Variants in CAB39 observed in about 807,000 individuals in gnomAD.
The protein encoded by CAB39 is calcium-binding protein 39.
Under a neutral mutation model 40.0 loss-of-function variants are expected in CAB39, and 8 were observed. The observed-to-expected ratio is 0.20, with a 90% CI of 0.12 to 0.36. CAB39 has a LOEUF of 0.36. CAB39 is among the 10% of genes least tolerant of loss of function. The probability of loss-of-function intolerance (pLI) is 1.00; values close to 1 mark genes in which losing one functional copy is unlikely to be tolerated. For synonymous variants in CAB39, 156 were observed against 141.6 expected, an observed-to-expected ratio of 1.10 and a Z score of -0.72; for missense variants, 270 against 401.1, an observed-to-expected ratio of 0.67 and a Z score of 2.79.
chr2:230,758,938 C>T (rs529872980), intron 1 of CAB39, among the ~76,000 whole-genome samples: 22 of 152,086 alleles, frequency 1.4e-4, no homozygotes, highest in Non-Finnish European at 2.5e-4. Context: ...AAGTCACTTC[C>T]ATTGTTTGTC....
rs1019917840 is a variant in CAB39 at position 230,805,264 on chromosome 2, G to C, written c.568-4999G>C. 2.6e-5 allele frequency among the ~76,000 whole-genome samples: 4 copies of C among 152,002 alleles called. No homozygotes were observed. The East Asian group carries it at 7.7e-4, about 29-fold the overall frequency. On this transcript the variant is annotated intron_variant, in intron 5 of 8. Coordinates refer to ENST00000258418, the MANE Select transcript of CAB39 (RefSeq NM_016289.4). ...GGGGCCTGTCATGGGGTGGCGGGGT[G>C]GGGGAGGGATAGCATTAAGAGAAAT...
chr2:230,779,363 A>G (rs961157542), intron 2 of CAB39: 5 of 152,296 alleles, frequency 3.3e-5, no homozygotes, highest in African/African-American at 1.2e-4. Flanking sequence ...CTCAGAAGCC[A>G]TAAGGAAACA....
At chr2:230,718,481 TGGTTAAAAGCGC>T (rs1694391092) in intron 1 of CAB39, among the ~76,000 whole-genome samples, 1 of 152,204 alleles carries the variant, frequency 6.6e-6, no homozygotes, top group Non-Finnish European at 1.5e-5. Context: ...TGTTAGCCAG[TGGTTAAAAGCGC>T]AGGTGCAGCC....
chr2:230,718,189 G>A (rs905909408), intron 1 of CAB39, among the ~76,000 whole-genome samples: 1 of 152,214 alleles, frequency 6.6e-6, no homozygotes, highest in African/African-American at 2.4e-5. Flanking sequence ...GTATGATACT[G>A]TTAAAAGATC....
chr2:230,790,632 T>C (rs901446475), intron 2 of CAB39, among the ~76,000 whole-genome samples: 17 of 152,216 alleles, frequency 1.1e-4, no homozygotes, highest in South Asian at 8.3e-4. Flanking sequence ...TTTCAGTGTT[T>C]GGGTGTCTGT....
chr2:230,745,597 A>G (rs1449944510), intron 1 of CAB39, among the ~76,000 whole-genome samples: 1 of 152,156 alleles, frequency 6.6e-6, no homozygotes, highest in African/African-American at 2.4e-5. Context: ...GTATGGACCA[A>G]GCTTTTTAAA....
chr2:230,731,278 T>G (rs1559590992), intron 1 of CAB39, among the ~76,000 whole-genome samples: 1 of 152,326 alleles, frequency 6.6e-6, no homozygotes, highest in African/African-American at 2.4e-5. Context: ...TTGAGATGCA[T>G]AAGGCAAGAC....
At chr2:230,785,220 A>G (rs1004627534) in intron 2 of CAB39, among the ~76,000 whole-genome samples, 5 of 152,208 alleles carry the variant, frequency 3.3e-5, no homozygotes, top group Non-Finnish European at 2.9e-5. Context: ...AGTAATAAAG[A>G]CACACAATTG....
intron 5 of CAB39, among the ~76,000 whole-genome samples, chr2:230,800,705 G>T (rs1696075192): frequency 6.6e-6 from 1 of 152,148 alleles, no homozygotes; most frequent in South Asian, 2.1e-4. Flanking sequence ...GAGCAGCAGT[G>T]GTGTGGGAGA....
rs1695923634 is a variant in CAB39, at chr2:230,793,345, A to C, written c.398+14A>C. The C allele has an allele frequency of 7.7e-7, 1 of 1,302,356 alleles. No individual in the cohort carries two copies. 80.7% of individuals were successfully genotyped at this position (1,302,356 alleles called of 1,614,324 possible). On this transcript the variant is annotated intron_variant, in intron 4 of 8. Coordinates refer to ENST00000258418, the MANE Select transcript of CAB39 (RefSeq NM_016289.4). ...GTTATTGAAAGGGTATGTACAATGT[A>C]ATAAAATTTGTATTCTCAGTTGAAC...
intron 2 of CAB39, among the ~76,000 whole-genome samples, chr2:230,764,095 G>A (rs187805166): frequency 6.4e-4 from 97 of 151,944 alleles, no homozygotes; most frequent in Middle Eastern, 3.4e-3. Flanking sequence ...GTACTCCAGC[G>A]TGGGTGACAG....
intron 1 of CAB39, among the ~76,000 whole-genome samples, chr2:230,727,720 T>C (rs1694612165): frequency 6.6e-6 from 1 of 151,972 alleles, no homozygotes; most frequent in African/African-American, 2.4e-5. Flanking sequence ...TGGCCTTAAC[T>C]CATGGAATAT....
chr2:230,763,897 G>A (rs62193632), intron 2 of CAB39, among the ~76,000 whole-genome samples: 17,093 of 152,108 alleles, frequency 0.11, 1,190 homozygotes, highest in Middle Eastern at 0.15. Context: ...CTAGTCGAGC[G>A]GATCACTTGA....
intron 1 of CAB39, chr2:230,713,542 G>C (rs942752043): frequency 6.6e-6 from 1 of 152,460 alleles, no homozygotes; most frequent in African/African-American, 2.4e-5. Flanking sequence ...TGGTGGTCCG[G>C]GCCGGAGTCG....
chr2:230,734,098 C>G (rs542780937), intron 1 of CAB39, among the ~76,000 whole-genome samples: 1 of 152,360 alleles, frequency 6.6e-6, no homozygotes, highest in Admixed American at 6.5e-5. Context: ...AGATCTGACC[C>G]CTGCCCTTAG....
chr2:230,752,618 T>C (rs541431205), intron 1 of CAB39, among the ~76,000 whole-genome samples: 8 of 152,316 alleles, frequency 5.3e-5, no homozygotes, highest in African/African-American at 1.4e-4. Flanking sequence ...AACACTTGCA[T>C]TGGGAATTAA....
At chr2:230,727,077 C>G (rs1043413831) in intron 1 of CAB39, among the ~76,000 whole-genome samples, 4 of 151,774 alleles carry the variant, frequency 2.6e-5, no homozygotes, top group Non-Finnish European at 5.9e-5. Flanking sequence ...AGAAAGTGAC[C>G]AAGTAACTGT....
intron 1 of CAB39, among the ~76,000 whole-genome samples, chr2:230,715,130 TAC>T (rs1243204100): frequency 2.6e-5 from 4 of 152,214 alleles, no homozygotes; most frequent in East Asian, 1.9e-4. Context: ...TGCATATGTA[TAC>T]ACACACACAT....
chr2:230,715,828 G>A (rs189574566), intron 1 of CAB39, among the ~76,000 whole-genome samples: 22 of 152,282 alleles, frequency 1.4e-4, no homozygotes, highest in East Asian at 1.2e-3. Context: ...TCAGCCTCCT[G>A]TAGACGGGAC....
Sources: gnomAD v4.1 joint callset for allele counts (sites outside exome capture counted in the v4.1 genomes callset) on GRCh38, gnomAD v4.1.1 for gene constraint, MANE v1.5 for transcripts, NCBI Gene and HGNC (gene_info 2026-07-23, HGNC 2026-07-21) for gene names.